PELI2: variants seen among roughly 807,000 people sequenced by gnomAD.
PELI2 encodes the protein E3 ubiquitin-protein ligase pellino homolog 2.
In PELI2, 23 loss-of-function variants were observed where a neutral mutation model predicts 42.3. That is an observed-to-expected ratio of 0.54 (90% CI 0.39 to 0.77). The LOEUF is 0.77. PELI2 is among the 30% of genes least tolerant of loss of function. PELI2 has a pLI of 0.00. For missense variants in PELI2, 463 were observed against 553.2 expected (o/e 0.84, Z 1.64); for synonymous variants, 245 against 212.2 (o/e 1.15, Z -1.34).
At chr14:56,243,494 A>G (rs1888050088) in intron 2 of PELI2, among the ~76,000 whole-genome samples, 1 of 152,202 alleles carries the variant, frequency 6.6e-6, no homozygotes, top group African/African-American at 2.4e-5. Flanking sequence ...CAGTTTCTCT[A>G]TCTGTGAAAT....
chr14:56,118,777 CG>C, intron 1 of PELI2, 40 bp downstream of exon 1: 3 of 1,353,708 alleles, frequency 2.2e-6, no homozygotes, highest in Admixed American at 2.6e-5. Context: ...GCGGCGCGGG[CG>C]GGGAGCGCCC....
In PELI2 at chr14:56,228,820, G is replaced by A. The variant is rs550030496; in HGVS notation, c.207+50356G>A. On this transcript the variant is annotated intron_variant, in intron 2 of 5. Transcript: ENST00000267460. The stretch of plus-strand genomic sequence containing the variant: ...TGGGGTATCCCCTCACCTGGGAAGC[G>A]CAAGAGATCAGGGAATTCCCTTTCC... Among the ~76,000 whole-genome samples, 11 of 152,344 alleles carry A rather than the reference G, an allele frequency of 7.2e-5. No homozygotes were observed. In the South Asian group the frequency reaches 8.3e-4, roughly 11 times the overall value.
chr14:56,242,866 G>A (rs1303511098), intron 2 of PELI2, among the ~76,000 whole-genome samples: 1 of 152,108 alleles, frequency 6.6e-6, no homozygotes, highest in Non-Finnish European at 1.5e-5. Flanking sequence ...AGAGAGAAAG[G>A]GAGTGAAGGA....
At chr14:56,217,871 A>G (rs1886969646) in intron 2 of PELI2, among the ~76,000 whole-genome samples, 1 of 152,160 alleles carries the variant, frequency 6.6e-6, no homozygotes, top group African/African-American at 2.4e-5. Context: ...TCTGTTAGCA[A>G]ATACTGTTTA....
At chr14:56,280,710 T>G (rs926152423) in intron 3 of PELI2, among the ~76,000 whole-genome samples, 7 of 152,164 alleles carry the variant, frequency 4.6e-5, no homozygotes, top group Non-Finnish European at 1.0e-4. Context: ...TTCATATTCT[T>G]GGAATAGGGA....
rs377221886 is a variant in PELI2, at chr14:56,258,315, T to C, written c.208-21361T>C. 2.0e-5 allele frequency among the ~76,000 whole-genome samples: 3 copies of C among 151,036 alleles called. No individual in the cohort carries two copies. The East Asian group carries it at 5.9e-4, about 30-fold the overall frequency. ...CCCCCCCACCCCCGCAAAAAAAAAT[T>C]AATGGCCAGCATCCAATCAAAAATT... On this transcript the variant is annotated intron_variant, in intron 2 of 5. Coordinates refer to ENST00000267460, the MANE Select transcript of PELI2 (RefSeq NM_021255.3).
intron 1 of PELI2, among the ~76,000 whole-genome samples, chr14:56,138,467 T>G (rs1486027988): frequency 6.6e-6 from 1 of 152,148 alleles, no homozygotes; most frequent in Non-Finnish European, 1.5e-5. Context: ...TGGTTCTTTT[T>G]TTTTTTTAAA....
chr14:56,121,791 G>T (rs1219956754), intron 1 of PELI2, among the ~76,000 whole-genome samples: 1 of 152,164 alleles, frequency 6.6e-6, no homozygotes, highest in Non-Finnish European at 1.5e-5. Flanking sequence ...TAGGCTTCAA[G>T]AGCCCTTCCT....
chr14:56,127,280 T>C (rs1167977958), intron 1 of PELI2, among the ~76,000 whole-genome samples: 1 of 152,130 alleles, frequency 6.6e-6, no homozygotes, highest in East Asian at 1.9e-4. Flanking sequence ...TTTCAAGCTT[T>C]TAAAGGTCAC....
intron 2 of PELI2, among the ~76,000 whole-genome samples, chr14:56,240,765 A>G (rs1466818432): frequency 2.0e-5 from 3 of 152,102 alleles, no homozygotes; most frequent in African/African-American, 7.2e-5. Flanking sequence ...CTTTGGATGG[A>G]TGTGGGTCCC....
chr14:56,225,501 TG>T (rs1468991798), intron 2 of PELI2, among the ~76,000 whole-genome samples: 2 of 152,062 alleles, frequency 1.3e-5, no homozygotes, highest in Non-Finnish European at 2.9e-5. Context: ...TGATGGGAGA[TG>T]GGGCCCACGT....
chr14:56,139,387 T>G (rs1010488324), intron 1 of PELI2, among the ~76,000 whole-genome samples: 20 of 152,224 alleles, frequency 1.3e-4, no homozygotes, highest in Non-Finnish European at 2.5e-4. Flanking sequence ...GATTGATTTT[T>G]ATATATTTGC....
chr14:56,154,736 T>C (rs1161224292), intron 1 of PELI2, among the ~76,000 whole-genome samples: 1 of 149,100 alleles, frequency 6.7e-6, no homozygotes, highest in African/African-American at 2.4e-5. Flanking sequence ...AAAACTTGAC[T>C]TACATTTCAA....
chr14:56,298,894 C>T lies in PELI2; in HGVS notation c.*1728C>T, dbSNP rs1383948828. On this transcript the variant is annotated 3_prime_UTR_variant, in exon 6 of 6. Transcript: ENST00000267460. Reference sequence around the variant, plus strand: ...TGTGAAAATCGATGACAACAGTCCTCTTACAGATAGCTTGCTGTATTCTGT... The same window carrying T: ...TGTGAAAATCGATGACAACAGTCCTTTTACAGATAGCTTGCTGTATTCTGT... 1 of 152,192 alleles carries T rather than the reference C, an allele frequency of 6.6e-6. No individual in the cohort carries two copies. The highest frequency in any genetic ancestry group is 2.4e-5 in the African/African-American group (1 of 41,438). 9.4% of individuals were successfully genotyped at this position (152,192 alleles called of 1,614,324 possible).
intron 2 of PELI2, among the ~76,000 whole-genome samples, chr14:56,220,733 A>G (rs1365042820): frequency 2.0e-5 from 3 of 152,164 alleles, no homozygotes; most frequent in East Asian, 3.9e-4. Context: ...CTGCATAACC[A>G]ATGGTTAGAG....
intron 2 of PELI2, among the ~76,000 whole-genome samples, chr14:56,270,368 C>T (rs1889059732): frequency 6.6e-6 from 1 of 152,112 alleles, no homozygotes; most frequent in Non-Finnish European, 1.5e-5. Flanking sequence ...ATTGTGAATT[C>T]CTTTAGCCAC....
At chr14:56,222,385 C>T (rs919027958) in intron 2 of PELI2, among the ~76,000 whole-genome samples, 10 of 152,262 alleles carry the variant, frequency 6.6e-5, no homozygotes, top group East Asian at 3.9e-4. Flanking sequence ...TAAAAGTGCT[C>T]GCATTGTTAG....
intron 2 of PELI2, among the ~76,000 whole-genome samples, chr14:56,223,575 T>C (rs1240112868): frequency 6.6e-6 from 1 of 152,070 alleles, no homozygotes; most frequent in African/African-American, 2.4e-5. Context: ...GAAAGCAAAA[T>C]ATGAAAGCAG....
At chr14:56,289,794 T>C (rs1309950250) in intron 4 of PELI2, among the ~76,000 whole-genome samples, 1 of 152,254 alleles carries the variant, frequency 6.6e-6, no homozygotes, top group Non-Finnish European at 1.5e-5. Context: ...CCCCGACTTG[T>C]TGGCTTAACA....
Sources: gnomAD v4.1 joint callset for allele counts (sites outside exome capture counted in the v4.1 genomes callset) on GRCh38, gnomAD v4.1.1 for gene constraint, MANE v1.5 for transcripts, NCBI Gene and HGNC (gene_info 2026-07-23, HGNC 2026-07-21) for gene names.